DLC1: variants seen among roughly 807,000 people sequenced by gnomAD.
DLC1 encodes DLC1 Rho GTPase activating protein.
A neutral mutation model predicts 140.3 loss-of-function variants in DLC1; 54 were observed. The observed-to-expected ratio is 0.38, with a 90% CI of 0.31 to 0.48. The LOEUF is 0.48. Ranked by LOEUF, DLC1 falls within the 20% of genes least tolerant of loss-of-function variation. The pLI, the probability that DLC1 is intolerant of heterozygous loss-of-function variation, is 0.96. For synonymous variants in DLC1, 986 were observed against 728.1 expected, an observed-to-expected ratio of 1.35 and a Z score of -5.70; for missense variants, 2,536 against 1,907.0, an observed-to-expected ratio of 1.33 and a Z score of -6.14.
chr8:13,442,508 G>GA (rs1367147285), intron 2 of DLC1, among the ~76,000 whole-genome samples: 9 of 152,228 alleles, frequency 5.9e-5, no homozygotes, highest in African/African-American at 1.9e-4. Context: ...AAGTTTACAA[G>GA]AAAAAATCAA....
At chr8:13,498,710 T>G (rs1177286093) in intron 2 of DLC1, 1 of 190,494 alleles carries the variant, frequency 5.2e-6, no homozygotes, top group African/African-American at 2.3e-5. Flanking sequence ...GAATTAGAAA[T>G]CACTCTACAG....
intron 4 of DLC1, among the ~76,000 whole-genome samples, chr8:13,336,855 G>A (rs1301890616): frequency 6.6e-6 from 1 of 151,298 alleles, no homozygotes; most frequent in Admixed American, 6.7e-5. Flanking sequence ...TGGTAACCCA[G>A]GGAAACAAAA....
intron 3 of DLC1, among the ~76,000 whole-genome samples, chr8:13,398,605 C>CGAAA (rs374537545): frequency 1.8e-5 from 2 of 113,120 alleles, no homozygotes; most frequent in African/African-American, 3.3e-5. Flanking sequence ...CCATCTCTAC[C>CGAAA]AAAAAAAAAA....
intron 2 of DLC1, among the ~76,000 whole-genome samples, chr8:13,467,495 C>T (rs1357939518): frequency 6.7e-6 from 1 of 150,098 alleles, no homozygotes; most frequent in African/African-American, 2.4e-5. Context: ...GATATAGTGG[C>T]TCACACCTGT....
rs1366013166 is a variant in DLC1, at chr8:13,233,290, G to GTA, written c.1348+71977_1348+71978dup. 4.3e-4 allele frequency among the ~76,000 whole-genome samples: 11 copies of GTA among 25,808 alleles called. 3 individuals are homozygous for GTA. The highest frequency in any genetic ancestry group is 1.5e-3 in the South Asian group (1 of 672). 16.9% of individuals were successfully genotyped at this position (25,808 alleles called of 152,430 possible). On this transcript the variant is annotated intron_variant, in intron 5 of 17. Coordinates refer to ENST00000276297, the MANE Select transcript of DLC1 (RefSeq NM_182643.3). ...AGCCTGGGCGATAGAATAAGACTCTGTATAAAAAAAAAAAAAAAAAAAAAA... is the reference window on the plus strand; with the variant it reads ...AGCCTGGGCGATAGAATAAGACTCTGTATATAAAAAAAAAAAAAAAAAAAAAA...
intron 2 of DLC1, among the ~76,000 whole-genome samples, chr8:13,405,622 A>C (rs1311701181): frequency 1.3e-5 from 2 of 152,086 alleles, no homozygotes; most frequent in African/African-American, 4.8e-5. Flanking sequence ...GTTTCCCTCC[A>C]TGTTAAACAT....
intron 2 of DLC1, among the ~76,000 whole-genome samples, chr8:13,431,158 C>T (rs1269771845): frequency 6.6e-6 from 1 of 152,008 alleles, no homozygotes; most frequent in Admixed American, 6.6e-5. Context: ...ACTGAGAAGT[C>T]CAAGAGGATG....
At chr8:13,093,699 G>C (rs1018641289) in intron 12 of DLC1, among the ~76,000 whole-genome samples, 4 of 152,184 alleles carry the variant, frequency 2.6e-5, no homozygotes, top group African/African-American at 9.6e-5. Context: ...AATGTGACCT[G>C]TGTTTTTATA....
chr8:13,448,193 C>A (rs1798873809), intron 2 of DLC1, among the ~76,000 whole-genome samples: 1 of 152,044 alleles, frequency 6.6e-6, no homozygotes, highest in African/African-American at 2.4e-5. Flanking sequence ...TTGTTCTGTT[C>A]ATGGGATGTC....
At chr8:13,394,255 A>G (rs947537518) in intron 3 of DLC1, among the ~76,000 whole-genome samples, 1 of 152,238 alleles carries the variant, frequency 6.6e-6, no homozygotes, top group East Asian at 1.9e-4. Flanking sequence ...ATGTCTTGTT[A>G]TGTGTCATTC....
At chr8:13,436,883 G>A (rs1230109683) in intron 2 of DLC1, among the ~76,000 whole-genome samples, 1 of 152,022 alleles carries the variant, frequency 6.6e-6, no homozygotes, top group South Asian at 2.1e-4. Flanking sequence ...TGTCTAATTT[G>A]TAGCAATGGA....
intron 2 of DLC1, among the ~76,000 whole-genome samples, chr8:13,451,263 A>G (rs562943306): frequency 6.6e-6 from 1 of 152,126 alleles, no homozygotes; most frequent in Admixed American, 6.5e-5. Flanking sequence ...AGGTGTATAT[A>G]TTTATGAGGT....
chr8:13,469,692 T>C (rs929674927), intron 2 of DLC1, among the ~76,000 whole-genome samples: 2 of 152,208 alleles, frequency 1.3e-5, no homozygotes, highest in African/African-American at 4.8e-5. Flanking sequence ...TGTGCAATAA[T>C]AAATGATTGA....
Position 13,572,489 on chromosome 8 carries a change from A to G in DLC1, c.-126+32048T>C, listed in dbSNP as rs192165682. 2.6e-5 allele frequency among the ~76,000 whole-genome samples: 4 copies of G among 152,278 alleles called. No homozygotes were observed. In the East Asian group the frequency reaches 7.7e-4, roughly 29 times the overall value. ...ATACACACAAGTTTTTAATTTTCAT[A>G]AAGTTCAGTTTTTCTATTTCTTCTT... On this transcript the variant is annotated intron_variant, in intron 1 of 1. Coordinates refer to the DLC1 transcript ENST00000631382.
intron 1 of DLC1, among the ~76,000 whole-genome samples, chr8:13,587,552 C>T (rs1248740701): frequency 6.8e-6 from 1 of 146,214 alleles, no homozygotes; most frequent in Non-Finnish European, 1.5e-5. Context: ...TATACACACA[C>T]ACACACACAC....
intron 5 of DLC1, among the ~76,000 whole-genome samples, chr8:13,240,111 G>A (rs1282118878): frequency 6.6e-6 from 1 of 151,996 alleles, no homozygotes; most frequent in African/African-American, 2.4e-5. Flanking sequence ...ACTTCCACAG[G>A]AACAAACTTC....
chr8:13,294,782 C>G (rs1168946702), intron 5 of DLC1, among the ~76,000 whole-genome samples: 1 of 152,176 alleles, frequency 6.6e-6, no homozygotes, highest in Non-Finnish European at 1.5e-5. Context: ...GTCTGCATTG[C>G]TGGCTTTGAA....
chr8:13,433,324 C>T lies in DLC1; in HGVS notation c.1024-31705G>A, dbSNP rs1585099366. Among the ~76,000 whole-genome samples the T allele has an allele frequency of 5.3e-5, 8 of 152,090 alleles. No homozygotes were observed. The East Asian group carries it at 1.6e-3, about 29-fold the overall frequency. On this transcript the variant is annotated intron_variant, in intron 2 of 17. Coordinates refer to ENST00000276297, the MANE Select transcript of DLC1 (RefSeq NM_182643.3). ...CTGGGGCTCAGTAAGGCTTAATGGG[C>T]AGGATGAAAGAAATCTTTGGAATAG... is the stretch of plus-strand genomic sequence containing the variant.
chr8:13,209,266 G>C (rs556215084), intron 5 of DLC1, among the ~76,000 whole-genome samples: 1 of 152,160 alleles, frequency 6.6e-6, no homozygotes, highest in East Asian at 1.9e-4. Flanking sequence ...TATCTATAAA[G>C]ACTCATCTCA....
Sources: allele counts gnomAD v4.1 joint callset (sites outside exome capture counted in the v4.1 genomes callset), GRCh38; gene constraint gnomAD v4.1.1; transcripts MANE v1.5; gene names NCBI Gene and HGNC (gene_info 2026-07-23, HGNC 2026-07-21).